VPS8: variants seen among roughly 807,000 people sequenced by gnomAD.
VPS8 encodes VPS8 subunit of CORVET complex, also known as vacuolar protein sorting-associated protein 8 homolog.
In VPS8, 129 loss-of-function variants were observed where a neutral mutation model predicts 216.4. The ratio of observed to expected loss-of-function variants is 0.60; its 90% CI spans 0.52 to 0.69. The LOEUF (loss-of-function observed/expected upper bound fraction) is 0.69, where lower values mean the gene tolerates loss of function less well. Among genes scored for constraint, VPS8 ranks in the 30% least tolerant of loss-of-function variants. VPS8 has a pLI of 0.00. For missense variants in VPS8, 1,531 were observed against 1,683.5 expected, an observed-to-expected ratio of 0.91 and a Z score of 1.59; for synonymous variants, 571 against 565.4, an observed-to-expected ratio of 1.01 and a Z score of -0.14.
At chr3:184,954,859 A>G (rs958376779) in intron 36 of VPS8, among the ~76,000 whole-genome samples, 1 of 152,242 alleles carries the variant, frequency 6.6e-6, no homozygotes, top group Non-Finnish European at 1.5e-5. Flanking sequence ...ATCATGGACA[A>G]TTATCAATCA....
chr3:184,969,901 CTTTTTT>C (rs755680287), intron 39 of VPS8, among the ~76,000 whole-genome samples: 3 of 110,220 alleles, frequency 2.7e-5, no homozygotes, highest in African/African-American at 1.1e-4. Context: ...TACTTTCTTA[CTTTTTT>C]TTTTTTTTTT....
At chr3:184,935,420 G>T (rs1741430340) in intron 34 of VPS8, among the ~76,000 whole-genome samples, 1 of 152,154 alleles carries the variant, frequency 6.6e-6, no homozygotes, top group Non-Finnish European at 1.5e-5. Context: ...GAATCTACAA[G>T]TACTACCTAA....
intron 46 of VPS8, among the ~76,000 whole-genome samples, chr3:185,035,952 T>C (rs116593162): frequency 0.011 from 1,653 of 152,310 alleles, 31 homozygotes; most frequent in African/African-American, 0.037. Context: ...GTAGCATTTC[T>C]ATACACCAGC....
At chr3:184,957,307 C>T (rs3732934) in intron 36 of VPS8, 67 bp from the exon 37 acceptor site, 339,833 of 1,480,744 alleles carry the variant, frequency 0.23, 45,404 homozygotes, top group East Asian at 0.61. Flanking sequence ...TTACTGGTAG[C>T]TTTTAATTAT....
chr3:184,932,102 A>G (rs1447347377), intron 34 of VPS8, among the ~76,000 whole-genome samples: 12 of 152,168 alleles, frequency 7.9e-5, no homozygotes, highest in Admixed American at 7.9e-4. Context: ...TTAAGGCCAC[A>G]ATGACAGGTG....
intron 13 of VPS8, 122 bp downstream of exon 13, chr3:184,854,295 G>C: frequency 9.0e-7 from 1 of 1,106,446 alleles, no homozygotes; most frequent in South Asian, 1.4e-5. Context: ...GAAAGTCAGT[G>C]CTCCAGAGAT....
intron 46 of VPS8, among the ~76,000 whole-genome samples, chr3:185,044,536 T>C (rs6765837): frequency 0.57 from 86,032 of 151,748 alleles, 25,164 homozygotes; most frequent in African/African-American, 0.7. Context: ...CGTAAACCAG[T>C]GTTTTTCCCC....
At chr3:184,842,186 C>CAAAAAAAAAAAAAAAAAAAAAA (rs71162267) in intron 7 of VPS8, among the ~76,000 whole-genome samples, 8 of 48,980 alleles carry the variant, frequency 1.6e-4, no homozygotes, top group East Asian at 2.1e-3. Context: ...GACTCCGTCT[C>CAAAAAAAAAAAAAAAAAAAAAA]AAAAAAAAAA....
In VPS8 at chr3:184,830,072, C is replaced by A. The variant is rs1362221967; in HGVS notation, c.223-2617C>A. On this transcript the variant is annotated intron_variant, in intron 3 of 47. Coordinates refer to ENST00000625842, the MANE Select transcript of VPS8 (RefSeq NM_001009921.3). ...TGTGTCCTATTTAAGAAAATTTTTC[C>A]AATTCTGATGTTATGATGATGTTAC... Among the ~76,000 whole-genome samples, 5 of 152,128 alleles carry A rather than the reference C, an allele frequency of 3.3e-5. No individual in the cohort carries two copies. In the South Asian group the frequency reaches 8.3e-4, roughly 25 times the overall value.
At chr3:185,040,095 C>G (rs80119502) in intron 46 of VPS8, among the ~76,000 whole-genome samples, 2,255 of 152,260 alleles carry the variant, frequency 0.015, 16 homozygotes, top group Non-Finnish European at 0.023. Context: ...TGACAAATCA[C>G]TCACCTCCCA....
intron 36 of VPS8, among the ~76,000 whole-genome samples, chr3:184,947,324 G>T (rs1183848744): frequency 6.6e-6 from 1 of 152,116 alleles, no homozygotes; most frequent in Non-Finnish European, 1.5e-5. Flanking sequence ...CTTTCAGAAA[G>T]TTTCACATAT....
intron 2 of VPS8, among the ~76,000 whole-genome samples, chr3:184,825,901 A>C (rs772652493): frequency 1.7e-4 from 24 of 141,800 alleles, no homozygotes; most frequent in Non-Finnish European, 2.8e-4. Context: ...ACTCTGTCTC[A>C]AAAAAAAAAA....
At chr3:184,971,073 G>A (rs1231758186) in intron 39 of VPS8, among the ~76,000 whole-genome samples, 1 of 152,142 alleles carries the variant, frequency 6.6e-6, no homozygotes, top group African/African-American at 2.4e-5. Context: ...AATAAGTTGG[G>A]TTTTGCACAT....
intron 46 of VPS8, among the ~76,000 whole-genome samples, chr3:185,038,921 T>G (rs1759266345): frequency 6.6e-6 from 1 of 152,154 alleles, no homozygotes; most frequent in Non-Finnish European, 1.5e-5. Flanking sequence ...GAGCTTCCAT[T>G]CCATGAGTAG....
intron 40 of VPS8, among the ~76,000 whole-genome samples, chr3:184,975,646 T>A (rs1355576373): frequency 1.3e-5 from 2 of 152,186 alleles, no homozygotes; most frequent in African/African-American, 4.8e-5. Context: ...GAAAAAAGGC[T>A]TTCAGCTTTT....
chr3:184,867,253 G>A, intron 17 of VPS8, among the ~76,000 whole-genome samples: 1 of 152,208 alleles, frequency 6.6e-6, no homozygotes, highest in East Asian at 1.9e-4. Flanking sequence ...CCTAATCATG[G>A]ATATTTGTCA....
At chr3:184,834,922 A>G (rs1560309708) in intron 5 of VPS8, 180 bp downstream of exon 5, 2 of 487,738 alleles carry the variant, frequency 4.1e-6, no homozygotes, top group Non-Finnish European at 7.2e-6. Context: ...ACGTCTTGAC[A>G]GAAATTAGTG....
At chr3:184,914,725 G>T (rs1287006908) in intron 26 of VPS8, among the ~76,000 whole-genome samples, 2 of 152,120 alleles carry the variant, frequency 1.3e-5, no homozygotes, top group African/African-American at 4.8e-5. Context: ...TAGAGCATTG[G>T]TTTTTCTTAG....
At chr3:184,867,301 A>T (rs1013787542) in intron 17 of VPS8, among the ~76,000 whole-genome samples, 9 of 152,206 alleles carry the variant, frequency 5.9e-5, no homozygotes, top group Non-Finnish European at 1.3e-4. Context: ...TCAGCTTAGG[A>T]TGCTGATTAA....
Sources: allele counts gnomAD v4.1 joint callset (sites outside exome capture counted in the v4.1 genomes callset), GRCh38; gene constraint gnomAD v4.1.1; transcripts MANE v1.5; gene names NCBI Gene and HGNC (gene_info 2026-07-23, HGNC 2026-07-21).